The following NRXN1 variants were observed in gnomAD, a reference collection of about 807,000 sequenced individuals.
The protein encoded by NRXN1 is neurexin-1.
NRXN1 carries 39 observed loss-of-function variants against 150.9 expected under a neutral mutation model. The ratio of observed to expected loss-of-function variants is 0.26; its 90% CI spans 0.20 to 0.34. The LOEUF is 0.34. Among genes scored for constraint, NRXN1 ranks in the 10% least tolerant of loss-of-function variants. NRXN1 has a pLI of 1.00. For synonymous variants in NRXN1, 924 were observed against 757.0 expected, an observed-to-expected ratio of 1.22 and a Z score of -3.62; for missense variants, 1,815 against 1,949.9, an observed-to-expected ratio of 0.93 and a Z score of 1.30.
chr2:50,347,032 G>A lies in NRXN1; in HGVS notation c.3365-110062C>T. On this transcript the variant is annotated intron_variant, in intron 17 of 22. Coordinates refer to ENST00000401669, the MANE Select transcript of NRXN1 (RefSeq NM_001330078.2). This position sits in a 1 kb window ranked among gnomAD's most constrained non-coding sequence, Gnocchi z 4.9. Reference sequence around the variant, plus strand: ...GAGGAGAGGGCGCAGGGGAGCGGGCGGCGCGGAGTGGGCTGAGGGGCCGGC... The same window carrying A: ...GAGGAGAGGGCGCAGGGGAGCGGGCAGCGCGGAGTGGGCTGAGGGGCCGGC... The A allele has an allele frequency of 7.3e-7, 1 of 1,366,700 alleles. No individual in the cohort carries two copies. Among genetic ancestry groups the A allele is most frequent in the Non-Finnish European group, 9.5e-7 (1 of 1,050,040 alleles). The allele number at this position is 1,366,700 out of a possible 1,614,324, so 84.7% of individuals were successfully genotyped here. A position where few individuals can be genotyped will look rare whatever the true frequency, so the allele number is the denominator to read the frequency against.
chr2:50,855,888 G>A (rs1675207725), intron 5 of NRXN1, among the ~76,000 whole-genome samples: 1 of 151,906 alleles, frequency 6.6e-6, no homozygotes, highest in Non-Finnish European at 1.5e-5. Flanking sequence ...AAAAAGTACG[G>A]TTAAACAAAT....
chr2:50,108,865 T>C (rs1345291140), intron 18 of NRXN1, among the ~76,000 whole-genome samples: 2 of 152,064 alleles, frequency 1.3e-5, no homozygotes, highest in Non-Finnish European at 2.9e-5. Context: ...AAATTATTGA[T>C]AGAGAAGAAA....
chr2:51,025,870 C>G (rs1670363608), intron 2 of NRXN1, among the ~76,000 whole-genome samples: 1 of 152,166 alleles, frequency 6.6e-6, no homozygotes, highest in Non-Finnish European at 1.5e-5. Flanking sequence ...ATGGAATACA[C>G]AGTTTTCTAT....
At chr2:50,277,062 G>A (rs1160344787) in intron 17 of NRXN1, among the ~76,000 whole-genome samples, 1 of 152,056 alleles carries the variant, frequency 6.6e-6, no homozygotes, top group East Asian at 1.9e-4. Context: ...GCTACACTAT[G>A]AAAGTAGAAA....
chr2:50,194,226 C>A (rs116953865), intron 18 of NRXN1, among the ~76,000 whole-genome samples: 60 of 152,194 alleles, frequency 3.9e-4, no homozygotes, highest in East Asian at 2.9e-3. Context: ...CCCAATGCTT[C>A]CTTCATATTC....
At chr2:50,667,714 C>T (rs1688274599) in intron 5 of NRXN1, among the ~76,000 whole-genome samples, 1 of 151,964 alleles carries the variant, frequency 6.6e-6, no homozygotes, top group Non-Finnish European at 1.5e-5. Flanking sequence ...CTTTAACATA[C>T]TGTATCCCTT....
At chr2:51,030,694 C>T (rs1246518914) in intron 1 of NRXN1, among the ~76,000 whole-genome samples, 2 of 152,118 alleles carry the variant, frequency 1.3e-5, no homozygotes, top group South Asian at 2.1e-4. Flanking sequence ...CTTGTCTTCT[C>T]CTATATCAAA....
At chr2:50,772,846 G>C (rs1703172456) in intron 5 of NRXN1, among the ~76,000 whole-genome samples, 2 of 152,028 alleles carry the variant, frequency 1.3e-5, no homozygotes, top group African/African-American at 2.4e-5. Context: ...CACTGACTGA[G>C]TTAATGTTTA....
At position 50,347,023 on chromosome 2, in the gene NRXN1, G is replaced by A; in HGVS notation, c.3365-110053C>T. 2.2e-6 allele frequency: 3 copies of A among 1,383,198 alleles called. No homozygotes were observed. In the South Asian group the frequency reaches 3.9e-5, roughly 18 times the overall value. The allele number at this position is 1,383,198 out of a possible 1,614,324, so 85.7% of individuals were successfully genotyped here. ...GCGCGGGGAGAGGAGAGGGCGCAGG[G>A]GAGCGGGCGGCGCGGAGTGGGCTGA... On this transcript the variant is annotated intron_variant, in intron 17 of 22. Coordinates refer to ENST00000401669, the MANE Select transcript of NRXN1 (RefSeq NM_001330078.2). The surrounding 1 kb of genome is among the most constrained non-coding windows in gnomAD (Gnocchi z 4.9).
At chr2:50,047,070 T>G (rs79294409) in intron 21 of NRXN1, among the ~76,000 whole-genome samples, 2,069 of 152,226 alleles carry the variant, frequency 0.014, 47 homozygotes, top group African/African-American at 0.047. Context: ...ATTTGCATTT[T>G]CAAAAGGATA....
intron 5 of NRXN1, among the ~76,000 whole-genome samples, chr2:50,757,285 C>A (rs930130681): frequency 6.6e-6 from 1 of 151,642 alleles, no homozygotes; most frequent in African/African-American, 2.4e-5. Flanking sequence ...GACCGCCACA[C>A]AGAGAGTGAG....
At chr2:50,528,333 G>A (rs1297407536) in intron 12 of NRXN1, among the ~76,000 whole-genome samples, 1 of 152,046 alleles carries the variant, frequency 6.6e-6, no homozygotes, top group African/African-American at 2.4e-5. Context: ...AACAACTGGA[G>A]TCTAAAAATG....
chr2:50,556,744 C>A (rs1668317586), intron 8 of NRXN1, among the ~76,000 whole-genome samples: 1 of 152,004 alleles, frequency 6.6e-6, no homozygotes, highest in Admixed American at 6.6e-5. Context: ...GACAGCAATG[C>A]AGAGAAAATA....
At chr2:49,990,281 G>A (rs181676236) in intron 21 of NRXN1, among the ~76,000 whole-genome samples, 3 of 152,148 alleles carry the variant, frequency 2.0e-5, no homozygotes, top group Admixed American at 6.6e-5. Context: ...AGATAAGAAA[G>A]AGTCTGAGCA....
chr2:50,636,347 T>A (rs1399849346), intron 5 of NRXN1, among the ~76,000 whole-genome samples: 1 of 152,144 alleles, frequency 6.6e-6, no homozygotes, highest in African/African-American at 2.4e-5. Context: ...CTCTGCCCTT[T>A]ACCACCCTAC....
chr2:50,621,183 A>AAAC (rs767149480), intron 7 of NRXN1, 43 bp downstream of exon 7: 2 of 1,521,902 alleles, frequency 1.3e-6, no homozygotes, highest in South Asian at 2.5e-5. Context: ...CCAAAATAAG[A>AAAC]AACAATTAGA....
intron 21 of NRXN1, among the ~76,000 whole-genome samples, chr2:49,949,914 C>T (rs1202893362): frequency 1.3e-5 from 2 of 151,598 alleles, no homozygotes; most frequent in Admixed American, 6.6e-5. Flanking sequence ...GAAGAGAGAG[C>T]GCTCTCAAGT....
At chr2:50,865,365 G>C (rs977775874) in intron 5 of NRXN1, among the ~76,000 whole-genome samples, 1 of 151,882 alleles carries the variant, frequency 6.6e-6, no homozygotes, top group Admixed American at 6.6e-5. Flanking sequence ...AAATTCTGGA[G>C]ATTCCTAAAA....
At chr2:50,416,010 G>T (rs560001359) in intron 17 of NRXN1, among the ~76,000 whole-genome samples, 1 of 138,010 alleles carries the variant, frequency 7.2e-6, no homozygotes, top group African/African-American at 2.7e-5. Flanking sequence ...CATTCAAAAA[G>T]AATTTGTTTA....
Sources: gnomAD v4.1 joint callset for allele counts (sites outside exome capture counted in the v4.1 genomes callset) on GRCh38, gnomAD v4.1.1 for gene constraint, Gnocchi (gnomAD v3.1) non-coding constraint, MANE v1.5 for transcripts, NCBI Gene and HGNC (gene_info 2026-07-23, HGNC 2026-07-21) for gene names.